GSTA1: variants seen among roughly 807,000 people sequenced by gnomAD.
GSTA1 encodes glutathione S-transferase A1.
A neutral mutation model predicts 21.5 loss-of-function variants in GSTA1; 23 were observed. The observed-to-expected ratio is 1.07, with a 90% CI of 0.77 to 1.52. The LOEUF (loss-of-function observed/expected upper bound fraction) is 1.52. Among genes scored for constraint, GSTA1 ranks in the 40% most tolerant of loss-of-function variants. The pLI is 0.00. For synonymous variants in GSTA1, 125 were observed against 90.0 expected, an observed-to-expected ratio of 1.39 and a Z score of -2.20; for missense variants, 301 against 264.2, an observed-to-expected ratio of 1.14 and a Z score of -0.96.
chr6:52,794,662 G>C (rs1182614010), intron 4 of GSTA1, among the ~76,000 whole-genome samples: 7 of 152,168 alleles, frequency 4.6e-5, no homozygotes, highest in Admixed American at 2.0e-4. Context: ...GTAATCCTAA[G>C]AGAGTCCCTG....
chr6:52,800,007 C>A (rs1162045913), intron 1 of GSTA1, among the ~76,000 whole-genome samples: 2 of 152,206 alleles, frequency 1.3e-5, no homozygotes, highest in Non-Finnish European at 2.9e-5. Context: ...CAAAATCTAT[C>A]AACAGACAGA....
In GSTA1 at chr6:52,792,967, T is replaced by C. The variant is rs760039526; in HGVS notation, c.435A>G (p.Gln145=). The change falls in exon 6 of 7, where the codon CAA becomes CAG. Residue 145 remains glutamine, a synonymous_variant. Transcript: ENST00000334575. The stretch of plus-strand genomic sequence containing the variant: ...TCAGCTTGTTGCCAACAAGGTAGTC[T>C]TGTCCATGGCTCTTTAAGACCTGGA... ...AFEKVLKSHG[Q]DYLVGNKLSR... is the part of the protein sequence containing the mutation. 4 of 1,613,988 alleles carry C rather than the reference T, an allele frequency of 2.5e-6. No individual in the cohort carries two copies. The highest frequency in any genetic ancestry group is 4.5e-5 in the East Asian group (2 of 44,882).
chr6:52,796,067 C>T (rs1480609533), intron 4 of GSTA1, 115 bp downstream of exon 4: 27 of 1,506,648 alleles, frequency 1.8e-5, no homozygotes, highest in Non-Finnish European at 2.0e-5. Context: ...AGCGTACATG[C>T]CCAAGGCCCA....
In GSTA1 at chr6:52,792,775, C is replaced by T. The variant is rs770974412; in HGVS notation, c.546+81G>A. ...AGGCCTGGAGAAGACTGGGGCAAAA[C>T]TTGGTCAGTCGCAGGGCCCAGATAC... On this transcript the variant is annotated intron_variant, in intron 6 of 6. Coordinates refer to ENST00000334575, the MANE Select transcript of GSTA1 (RefSeq NM_145740.5). 82 of 1,611,342 alleles carry T rather than the reference C, an allele frequency of 5.1e-5. 1 individual carries two copies. The highest frequency in any genetic ancestry group is 6.8e-5 in the Non-Finnish European group (80 of 1,178,458).
intron 1 of GSTA1, among the ~76,000 whole-genome samples, chr6:52,800,445 T>C (rs1763688721): frequency 1.3e-5 from 2 of 152,372 alleles, no homozygotes; most frequent in African/African-American, 4.8e-5. Context: ...TCAGTGAGCA[T>C]GACATGTTGA....
rs780671635 is a variant in GSTA1 at position 52,796,282 on chromosome 6, C to T, written c.172G>A (p.Val58Ile). Residue 58 changes from valine to isoleucine, a missense_variant, in exon 4 of 7, where the codon GTT (valine) becomes ATT (isoleucine). By Grantham distance (29) the Val-to-Ile change is conservative. Transcript: ENST00000334575. ...GYLMFQQVPM[V>I]EIDGMKLVQT... is the part of the protein sequence containing the mutation. The stretch of plus-strand genomic sequence containing the variant: ...ACCAGCTTCATCCCATCAATCTCAA[C>T]CATTGGCACTTGCTGGAACATCAAA... The T allele has an allele frequency of 1.2e-6, 2 of 1,613,468 alleles. No homozygotes were observed. Among genetic ancestry groups the T allele is most frequent in the Non-Finnish European group, 1.7e-6 (2 of 1,179,932 alleles).
At chr6:52,792,581 G>A in intron 6 of GSTA1, 2 of 593,278 alleles carry the variant, frequency 3.4e-6, no homozygotes, top group Non-Finnish European at 5.2e-6. Context: ...AAACCACATT[G>A]AAATAGAGGG....
At position 52,791,425 on chromosome 6, in the gene GSTA1, GA is replaced by G. The variant is rs1199010399; in HGVS notation, c.*432del. Among the ~76,000 whole-genome samples the G allele has an allele frequency of 6.6e-6, 1 of 152,190 alleles. No homozygotes were observed. The highest frequency in any genetic ancestry group is 2.4e-5 in the African/African-American group (1 of 41,460). The stretch of plus-strand genomic sequence containing the variant: ...TATCAGAAATAAAATGACTGTCCAG[GA>G]AAAGAAGAAAATGTCTTTATGCCAT... On this transcript the variant is annotated 3_prime_UTR_variant, in exon 7 of 7. Coordinates refer to ENST00000334575, the MANE Select transcript of GSTA1 (RefSeq NM_145740.5).
chr6:52,798,744 C>G (rs1340961688), intron 2 of GSTA1, among the ~76,000 whole-genome samples: 1 of 145,430 alleles, frequency 6.9e-6, no homozygotes, highest in East Asian at 2.0e-4. Context: ...AAGGAAATCC[C>G]AGATCCATAT....
In GSTA1 at chr6:52,796,233, T is replaced by C. The variant is rs1297089912; in HGVS notation, c.221A>G (p.Tyr74Cys). 3 of 1,613,738 alleles carry C rather than the reference T, an allele frequency of 1.9e-6. No homozygotes were observed. In the African/African-American group the frequency reaches 4.0e-5, roughly 22 times the overall value. ...ATAGAGGTTGTATTTGCTGGCAATG[T>C]AGTTGAGAATGGCTCTGGTCTGCAC... ...KLVQTRAILN[Y>C]IASKYNLYGK... The change falls in exon 4 of 7, where the codon TAC (tyrosine) becomes TGC (cysteine). Residue 74 changes from tyrosine to cysteine, a missense_variant. Tyr to Cys is a radical substitution (Grantham distance 194, BLOSUM62 -2). Coordinates refer to ENST00000334575, the MANE Select transcript of GSTA1 (RefSeq NM_145740.5).
Position 52,794,167 on chromosome 6 carries a change from G to A in GSTA1, c.372C>T (p.Ile124=), listed in dbSNP as rs1763521285. Residue 124 remains isoleucine (I), a synonymous_variant, in exon 5 of 7, where the codon ATC becomes ATT. Transcript: ENST00000334575. ...AGTAGCGATTTTTTATTTTCTCTTT[G>A]ATCAAGGCAAGCTTGGCATCTTTTT... ...PEEKDAKLAL[I]KEKIKNRYFP... The A allele has an allele frequency of 2.5e-6, 4 of 1,613,862 alleles. No homozygotes were observed. Among genetic ancestry groups the A allele is most frequent in the Non-Finnish European group, 3.4e-6 (4 of 1,179,930 alleles).
rs1157686800 is a variant in GSTA1 at position 52,791,833 on chromosome 6, G to T, written c.*25C>A. 2 of 1,613,616 alleles carry T rather than the reference G, an allele frequency of 1.2e-6. No homozygotes were observed. The highest frequency in any genetic ancestry group is 2.2e-5 in the South Asian group (2 of 90,984). On this transcript the variant is annotated 3_prime_UTR_variant, in exon 7 of 7. Coordinates refer to ENST00000334575, the MANE Select transcript of GSTA1 (RefSeq NM_145740.5). ...AAACTTTAGAACATTGGTATTGCAA[G>T]TTCTTGGCCTCCATGACTGCGTTAT...
At chr6:52,797,854 A>T (rs1316999165) in intron 2 of GSTA1, among the ~76,000 whole-genome samples, 1 of 152,216 alleles carries the variant, frequency 6.6e-6, no homozygotes, top group Non-Finnish European at 1.5e-5. Flanking sequence ...CTTTTAGTTC[A>T]CTTCAACTCC....
intron 6 of GSTA1, among the ~76,000 whole-genome samples, chr6:52,792,525 G>A (rs1416932443): frequency 5.3e-5 from 8 of 152,088 alleles, no homozygotes; most frequent in Non-Finnish European, 1.2e-4. Context: ...CCGGCTCATT[G>A]TGGGCACATA....
At chr6:52,792,605 C>T in intron 6 of GSTA1, 2 of 765,616 alleles carry the variant, frequency 2.6e-6, no homozygotes, top group South Asian at 1.8e-5. Context: ...GGGAGAGATG[C>T]TGGGCCCTGG....
chr6:52,802,456 G>C (rs1763740577), intron 1 of GSTA1, among the ~76,000 whole-genome samples: 2 of 152,154 alleles, frequency 1.3e-5, no homozygotes, highest in African/African-American at 4.8e-5. Context: ...TGTTGAGAAA[G>C]TTAAATGAGA....
At chr6:52,795,825 C>G (rs991698827) in intron 4 of GSTA1, among the ~76,000 whole-genome samples, 7 of 152,146 alleles carry the variant, frequency 4.6e-5, no homozygotes, top group Non-Finnish European at 8.8e-5. Flanking sequence ...TCTACAGACT[C>G]TCACATATTC....
intron 3 of GSTA1, among the ~76,000 whole-genome samples, chr6:52,796,732 A>G (rs1763600203): frequency 6.6e-6 from 1 of 150,550 alleles, no homozygotes; most frequent in African/African-American, 2.4e-5. Flanking sequence ...TACAAGCAAT[A>G]GGGTCTCACC....
chr6:52,801,892 G>T (rs7773112), intron 1 of GSTA1, among the ~76,000 whole-genome samples: 1,689 of 152,044 alleles, frequency 0.011, 31 homozygotes, highest in African/African-American at 0.038. Flanking sequence ...CTTGGTGAGT[G>T]TTGGGTCAGC....
Sources: gnomAD v4.1 joint callset for allele counts (sites outside exome capture counted in the v4.1 genomes callset) on GRCh38, gnomAD v4.1.1 for gene constraint, MANE v1.5 for transcripts, NCBI Gene and HGNC (gene_info 2026-07-23, HGNC 2026-07-21) for gene names.